Variants in KATNAL1 observed in about 807,000 individuals in gnomAD.
KATNAL1 encodes katanin p60 ATPase-containing subunit A-like 1.
A neutral mutation model predicts 55.2 loss-of-function variants in KATNAL1; 32 were observed. The ratio of observed to expected loss-of-function variants is 0.58; its 90% CI spans 0.44 to 0.78. The LOEUF is 0.78. Among genes scored for constraint, KATNAL1 ranks in the 30% least tolerant of loss-of-function variants. The pLI, the probability that KATNAL1 is intolerant of heterozygous loss-of-function variation, is 0.00. For missense variants in KATNAL1, 466 were observed against 600.9 expected (o/e 0.78, Z 2.35); for synonymous variants, 193 against 193.6 (o/e 1.00, Z 0.02).
At chr13:30,221,799 C>A (rs1483341317) in intron 9 of KATNAL1, among the ~76,000 whole-genome samples, 1 of 152,138 alleles carries the variant, frequency 6.6e-6, no homozygotes, top group Non-Finnish European at 1.5e-5. Context: ...TGTTTGTAAT[C>A]CCAGCACTTT....
intron 3 of KATNAL1, among the ~76,000 whole-genome samples, chr13:30,269,164 C>T (rs925438107): frequency 6.6e-6 from 1 of 152,218 alleles, no homozygotes; most frequent in Non-Finnish European, 1.5e-5. Context: ...GCCATCTCGG[C>T]CCACTGCAAC....
chr13:30,293,753 G>C (rs997472805), intron 1 of KATNAL1, among the ~76,000 whole-genome samples: 1 of 151,952 alleles, frequency 6.6e-6, no homozygotes, highest in Non-Finnish European at 1.5e-5. Flanking sequence ...AGTTTACCGC[G>C]CCTCATTTTA....
intron 10 of KATNAL1, among the ~76,000 whole-genome samples, chr13:30,209,055 T>C (rs966608036): frequency 6.6e-6 from 1 of 152,220 alleles, no homozygotes; most frequent in Non-Finnish European, 1.5e-5. Flanking sequence ...AATTTTGAAA[T>C]ACTGAATTGT....
At chr13:30,292,823 G>T (rs1882222992) in intron 1 of KATNAL1, among the ~76,000 whole-genome samples, 1 of 152,028 alleles carries the variant, frequency 6.6e-6, no homozygotes, top group Non-Finnish European at 1.5e-5. Flanking sequence ...ATGAGAATTT[G>T]CCTGGCTACT....
At chr13:30,287,835 G>T (rs1232945549) in intron 1 of KATNAL1, among the ~76,000 whole-genome samples, 1 of 152,076 alleles carries the variant, frequency 6.6e-6, no homozygotes, top group Non-Finnish European at 1.5e-5. Context: ...TACAAATCAG[G>T]GGTTGCCAAA....
chr13:30,241,186 A>T lies in KATNAL1; in HGVS notation c.493-100T>A, dbSNP rs531397392. ...TTATAATGCCATCACTTTCTAAATA[A>T]TTTTTATTATTTTAAGGTAGTATTT... is the stretch of plus-strand genomic sequence containing the variant. On this transcript the variant is annotated intron_variant, in intron 4 of 10. Transcript: ENST00000380615. 6.9e-5 allele frequency: 74 copies of T among 1,074,322 alleles called. 1 individual carries two copies. In the South Asian group the frequency reaches 1.1e-3, roughly 15 times the overall value. The allele number at this position is 1,074,322 out of a possible 1,614,324, so 66.5% of individuals were successfully genotyped here.
chr13:30,216,831 G>A (rs1874307285), intron 9 of KATNAL1, among the ~76,000 whole-genome samples: 1 of 152,226 alleles, frequency 6.6e-6, no homozygotes, highest in Admixed American at 6.5e-5. Context: ...GAATGACAAT[G>A]AACAAATACC....
At chr13:30,281,932 G>A (rs1593942190) in intron 2 of KATNAL1, 1 of 151,920 alleles carries the variant, frequency 6.6e-6, no homozygotes, top group East Asian at 1.9e-4. Flanking sequence ...AAAAACACGA[G>A]CTTAAATAAT....
intron 1 of KATNAL1, among the ~76,000 whole-genome samples, chr13:30,291,385 G>A (rs1277416196): frequency 6.6e-6 from 1 of 152,194 alleles, no homozygotes; most frequent in Non-Finnish European, 1.5e-5. Flanking sequence ...TCTGTAACCT[G>A]AGAACTATTA....
intron 3 of KATNAL1, among the ~76,000 whole-genome samples, chr13:30,270,109 T>C (rs1283437814): frequency 2.5e-5 from 3 of 118,272 alleles, no homozygotes; most frequent in Admixed American, 8.1e-5. Context: ...AGCCGCCCCG[T>C]CCGGGAGGTG....
intron 4 of KATNAL1, among the ~76,000 whole-genome samples, chr13:30,249,266 G>C (rs1188129222): frequency 6.6e-6 from 1 of 151,850 alleles, no homozygotes; most frequent in African/African-American, 2.4e-5. Context: ...ATCAAGTGTT[G>C]ACAAGGATGT....
intron 1 of KATNAL1, among the ~76,000 whole-genome samples, chr13:30,287,169 A>G (rs2137545690): frequency 6.6e-6 from 1 of 152,312 alleles, no homozygotes; most frequent in South Asian, 2.1e-4. Flanking sequence ...ATGATTTGCA[A>G]TGTGAGGACA....
At position 30,220,820 on chromosome 13, in the gene KATNAL1, C is replaced by T. The variant is rs562526957; in HGVS notation, c.1147+6592G>A. The stretch of plus-strand genomic sequence containing the variant: ...TTCAAGTTGATTCTCCTGCCTCAGC[C>T]GCCTGAGTAGCTGGAATTACAGGCA... On this transcript the variant is annotated intron_variant, in intron 9 of 10. Transcript: ENST00000380615. 1.2e-4 allele frequency among the ~76,000 whole-genome samples: 18 copies of T among 152,034 alleles called. 1 individual carries two copies. The highest frequency in any genetic ancestry group is 6.2e-4 in the South Asian group (3 of 4,802).
chr13:30,274,895 GCGCGCGCGCGCGCACACACAC>G (rs1167169034), intron 3 of KATNAL1, among the ~76,000 whole-genome samples: 20 of 98,122 alleles, frequency 2.0e-4, no homozygotes, highest in African/African-American at 9.6e-4. Flanking sequence ...ACACATACGC[GCGCGCGCGCGCGCACACACAC>G]ACACACACAC....
At chr13:30,252,931 G>C (rs1034510023) in intron 4 of KATNAL1, among the ~76,000 whole-genome samples, 5 of 152,116 alleles carry the variant, frequency 3.3e-5, no homozygotes, top group Admixed American at 6.5e-5. Flanking sequence ...GTTTTTAGTA[G>C]AGACGGGGTT....
intron 1 of KATNAL1, among the ~76,000 whole-genome samples, chr13:30,286,259 G>A (rs1302287511): frequency 2.6e-5 from 4 of 152,158 alleles, no homozygotes; most frequent in African/African-American, 7.2e-5. Flanking sequence ...CAGAGATGTC[G>A]GCAACCCCTC....
intron 1 of KATNAL1, among the ~76,000 whole-genome samples, chr13:30,286,782 C>A (rs1255869111): frequency 6.6e-6 from 1 of 152,158 alleles, no homozygotes; most frequent in Non-Finnish European, 1.5e-5. Flanking sequence ...GTGAAAGCAG[C>A]CAGAAGGTGG....
intron 3 of KATNAL1, among the ~76,000 whole-genome samples, chr13:30,257,486 T>C (rs1274533655): frequency 6.6e-6 from 1 of 152,220 alleles, no homozygotes; most frequent in Non-Finnish European, 1.5e-5. Flanking sequence ...CCAGGCTGCT[T>C]GCCCATGGCT....
chr13:30,229,227 T>C (rs1875834639), intron 8 of KATNAL1, among the ~76,000 whole-genome samples: 3 of 151,932 alleles, frequency 2.0e-5, no homozygotes. Flanking sequence ...CTATCAATGC[T>C]TCAAAGTCCA....
Sources: gnomAD v4.1 joint callset for allele counts (sites outside exome capture counted in the v4.1 genomes callset) on GRCh38, gnomAD v4.1.1 for gene constraint, MANE v1.5 for transcripts, NCBI Gene and HGNC (gene_info 2026-07-23, HGNC 2026-07-21) for gene names.